ANKFN1: variants seen among roughly 807,000 people sequenced by gnomAD.
ANKFN1 encodes the protein ankyrin repeat and fibronectin type-III domain-containing protein 1.
A neutral mutation model predicts 108.7 loss-of-function variants in ANKFN1; 74 were observed. That is an observed-to-expected ratio of 0.68 (90% CI 0.56 to 0.83). The LOEUF (loss-of-function observed/expected upper bound fraction) is 0.83, where lower values mean the gene tolerates loss of function less well. Ranked by LOEUF, ANKFN1 falls within the 40% of genes least tolerant of loss-of-function variation. The pLI, the probability that ANKFN1 is intolerant of heterozygous loss-of-function variation, is 0.00. For missense variants in ANKFN1, 1,505 were observed against 1,382.3 expected, an observed-to-expected ratio of 1.09 and a Z score of -1.41; for synonymous variants, 547 against 516.2, an observed-to-expected ratio of 1.06 and a Z score of -0.81.
chr17:56,342,211 C>G (rs547753848), intron 4 of ANKFN1, among the ~76,000 whole-genome samples: 1 of 143,816 alleles, frequency 7.0e-6, no homozygotes, highest in East Asian at 2.1e-4. Flanking sequence ...CTTTATTATT[C>G]TAGCTAATGG....
At chr17:56,170,696 G>A (rs1470287686) in intron 1 of ANKFN1, among the ~76,000 whole-genome samples, 1 of 149,284 alleles carries the variant, frequency 6.7e-6, no homozygotes, top group Admixed American at 6.7e-5. Context: ...CTGGGAGGCC[G>A]AGGTTGCAGT....
At chr17:56,123,031 T>C (rs970105380) in intron 4 of ANKFN1, among the ~76,000 whole-genome samples, 7 of 152,256 alleles carry the variant, frequency 4.6e-5, no homozygotes, top group Admixed American at 3.3e-4. Flanking sequence ...ACTTATTATG[T>C]GCCAGGAACT....
At chr17:56,090,180 G>A (rs954716591) in intron 4 of ANKFN1, among the ~76,000 whole-genome samples, 1 of 151,212 alleles carries the variant, frequency 6.6e-6, no homozygotes, top group Non-Finnish European at 1.5e-5. Context: ...AGCATGTCAC[G>A]GAGTGAAATG....
At chr17:56,109,475 C>T (rs1905836341) in intron 4 of ANKFN1, among the ~76,000 whole-genome samples, 2 of 152,220 alleles carry the variant, frequency 1.3e-5, no homozygotes, top group Non-Finnish European at 2.9e-5. Flanking sequence ...GTGGTGACAA[C>T]CCAAACTATC....
rs149902914 is a variant in ANKFN1 at position 56,297,757 on chromosome 17, T to C, written c.54-28464T>C. Among the ~76,000 whole-genome samples the C allele has an allele frequency of 5.8e-3, 889 of 152,330 alleles. 10 individuals carry two copies. Among genetic ancestry groups the C allele is most frequent in the African/African-American group, 0.021 (853 of 41,574 alleles). On this transcript the variant is annotated intron_variant, in intron 3 of 20. Coordinates refer to ENST00000682825, the MANE Select transcript of ANKFN1 (RefSeq NM_001370326.1). The stretch of plus-strand genomic sequence containing the variant: ...TCCTAGTGCCTCACAACCTTAGGTG[T>C]GCTTCTGTCTCAAGGCTAGAGTTAT...
chr17:56,103,517 AGAG>A (rs977818632), intron 4 of ANKFN1, among the ~76,000 whole-genome samples: 1 of 152,172 alleles, frequency 6.6e-6, no homozygotes, highest in Non-Finnish European at 1.5e-5. Context: ...AGGGGCTTGC[AGAG>A]GGTTGGGCGA....
chr17:56,105,711 C>CTG (rs147924842), intron 4 of ANKFN1, among the ~76,000 whole-genome samples: 5,210 of 144,572 alleles, frequency 0.036, 149 homozygotes, highest in Admixed American at 0.097. Flanking sequence ...GTTTTTTTGT[C>CTG]TGTGTGTGTG....
intron 3 of ANKFN1, among the ~76,000 whole-genome samples, chr17:56,242,456 G>A (rs1013069102): frequency 6.6e-6 from 1 of 151,966 alleles, no homozygotes; most frequent in African/African-American, 2.4e-5. Flanking sequence ...TTATGTGAAT[G>A]ATCTTTATTC....
chr17:56,433,967 C>T (rs543030265), intron 8 of ANKFN1, among the ~76,000 whole-genome samples: 1 of 152,256 alleles, frequency 6.6e-6, no homozygotes, highest in South Asian at 2.1e-4. Flanking sequence ...ACCCGGGAGG[C>T]AGAGGTTGCA....
rs560788003 is a variant in ANKFN1 at position 56,449,395 on chromosome 17, C to G, written c.1207+209C>G. On this transcript the variant is annotated intron_variant, in intron 11 of 20. Transcript: ENST00000682825. ...TCGCTCACTTCCTTTCCCTCTCCCTCTCTCCATATGAACGGTTTGAAAACA... is the reference window on the plus strand; with the variant it reads ...TCGCTCACTTCCTTTCCCTCTCCCTGTCTCCATATGAACGGTTTGAAAACA... 5.9e-5 allele frequency among the ~76,000 whole-genome samples: 9 copies of G among 152,190 alleles called. No individual in the cohort carries two copies. The South Asian group carries it at 1.7e-3, about 28-fold the overall frequency.
intron 8 of ANKFN1, among the ~76,000 whole-genome samples, chr17:56,428,300 G>C (rs1201090116): frequency 6.6e-6 from 1 of 151,574 alleles, no homozygotes; most frequent in Non-Finnish European, 1.5e-5. Context: ...AATATTAATA[G>C]ATGGTCTCCC....
intron 4 of ANKFN1, among the ~76,000 whole-genome samples, chr17:56,331,035 C>T (rs999062437): frequency 1.3e-5 from 2 of 152,116 alleles, no homozygotes; most frequent in Admixed American, 1.3e-4. Context: ...GTTATGTTAA[C>T]AGCAGGTGGG....
At chr17:56,155,933 G>A (rs565918689) in intron 1 of ANKFN1, among the ~76,000 whole-genome samples, 3 of 152,206 alleles carry the variant, frequency 2.0e-5, no homozygotes, top group African/African-American at 4.8e-5. Flanking sequence ...AGCAGCCTAC[G>A]TGGGAAGTCA....
At chr17:56,049,612 A>G (rs138200331) in intron 4 of ANKFN1, among the ~76,000 whole-genome samples, 1 of 151,514 alleles carries the variant, frequency 6.6e-6, no homozygotes, top group Non-Finnish European at 1.5e-5. Flanking sequence ...TCATAGTTCA[A>G]TTCCCACCTA....
chr17:56,294,390 AGGCCACAGGCCAC>A (rs2044451193), intron 3 of ANKFN1, among the ~76,000 whole-genome samples: 1 of 152,234 alleles, frequency 6.6e-6, no homozygotes, highest in African/African-American at 2.4e-5. Flanking sequence ...CAAGATTCTT[AGGCCACAGGCCAC>A]ACCATAATTC....
intron 3 of ANKFN1, among the ~76,000 whole-genome samples, chr17:56,259,775 G>A (rs1311038416): frequency 6.6e-6 from 1 of 152,082 alleles, no homozygotes; most frequent in African/African-American, 2.4e-5. Context: ...TCCTGTTAAT[G>A]CTTGTGGCAA....
At chr17:56,391,626 C>G (rs2047440693) in intron 8 of ANKFN1, among the ~76,000 whole-genome samples, 1 of 151,962 alleles carries the variant, frequency 6.6e-6, no homozygotes, top group African/African-American at 2.4e-5. Context: ...CAGGGTTTCA[C>G]CGTCTTGGCC....
At chr17:56,433,416 T>G (rs1281483832) in intron 8 of ANKFN1, among the ~76,000 whole-genome samples, 1 of 151,900 alleles carries the variant, frequency 6.6e-6, no homozygotes, top group Non-Finnish European at 1.5e-5. Flanking sequence ...TTGTGCTATT[T>G]AAAAGAAAAA....
At chr17:56,196,276 C>T (rs577554744) in intron 1 of ANKFN1, among the ~76,000 whole-genome samples, 1 of 152,236 alleles carries the variant, frequency 6.6e-6, no homozygotes, top group Non-Finnish European at 1.5e-5. Context: ...ACCACCACCA[C>T]CACAACAAAA....
Sources: gnomAD v4.1 joint callset for allele counts (sites outside exome capture counted in the v4.1 genomes callset) on GRCh38, gnomAD v4.1.1 for gene constraint, MANE v1.5 for transcripts, NCBI Gene and HGNC (gene_info 2026-07-23, HGNC 2026-07-21) for gene names.